The following FAM78B variants were observed in gnomAD, a reference collection of about 807,000 sequenced individuals.
FAM78B encodes the protein protein FAM78B.
FAM78B carries 10 observed loss-of-function variants against 20.0 expected under a neutral mutation model. The observed-to-expected ratio is 0.50, with a 90% confidence interval of 0.31 to 0.85. The LOEUF (loss-of-function observed/expected upper bound fraction) is 0.85, where lower values mean the gene tolerates loss of function less well. FAM78B is among the 40% of genes least tolerant of loss of function. FAM78B has a pLI of 0.05. For synonymous variants in FAM78B, 135 were observed against 132.8 expected, an observed-to-expected ratio of 1.02 and a Z score of -0.12; for missense variants, 283 against 345.0, an observed-to-expected ratio of 0.82 and a Z score of 1.42.
intron 1 of FAM78B, among the ~76,000 whole-genome samples, chr1:166,088,743 A>G (rs779024909): frequency 9.9e-5 from 15 of 152,088 alleles, no homozygotes; most frequent in Non-Finnish European, 2.9e-5. Context: ...GACTGACCCG[A>G]AGTATTTGGC....
chr1:166,116,707 T>C (rs1034317902), intron 1 of FAM78B, among the ~76,000 whole-genome samples: 44 of 152,334 alleles, frequency 2.9e-4, no homozygotes, highest in African/African-American at 9.1e-4. Flanking sequence ...TTTTTTCCAA[T>C]TGGAGTTGTC....
intron 1 of FAM78B, among the ~76,000 whole-genome samples, chr1:166,128,659 G>C (rs1654731498): frequency 1.3e-5 from 2 of 152,226 alleles, no homozygotes; most frequent in South Asian, 4.1e-4. Context: ...CTGAAGCCAA[G>C]GGAGGTTTGG....
At chr1:166,056,638 C>G (rs1445407907), downstream of FAM78B, among the ~76,000 whole-genome samples, 1 of 152,180 alleles carries the variant, frequency 6.6e-6, no homozygotes, top group African/African-American at 2.4e-5. Context: ...CTGTTTTGAT[C>G]AGATCCTAGG....
intron 1 of FAM78B, among the ~76,000 whole-genome samples, chr1:166,125,645 T>C (rs76217135): frequency 0.017 from 2,538 of 152,284 alleles, 77 homozygotes; most frequent in African/African-American, 0.058. Flanking sequence ...AATACCCAAA[T>C]CTGCAGATGC....
chr1:166,109,838 A>ATATATATG (rs1469856162), intron 1 of FAM78B, among the ~76,000 whole-genome samples: 1 of 21,186 alleles, frequency 4.7e-5, no homozygotes, highest in Admixed American at 5.2e-4. Flanking sequence ...ATATGTATAT[A>ATATATATG]TGTATATATA....
chr1:166,103,096 G>C (rs1236947395), intron 1 of FAM78B, among the ~76,000 whole-genome samples: 1 of 152,226 alleles, frequency 6.6e-6, no homozygotes, highest in African/African-American at 2.4e-5. Context: ...ACCTGCTCCT[G>C]AATGACTATT....
downstream of FAM78B, among the ~76,000 whole-genome samples, chr1:166,064,945 A>C (rs1260802301): frequency 1.3e-5 from 2 of 152,202 alleles, no homozygotes; most frequent in African/African-American, 4.8e-5. Context: ...GATCTCAAGT[A>C]ATGCTGATGT....
At chr1:166,119,431 C>T (rs1654384947) in intron 1 of FAM78B, among the ~76,000 whole-genome samples, 1 of 152,134 alleles carries the variant, frequency 6.6e-6, no homozygotes, top group East Asian at 1.9e-4. Flanking sequence ...CCCTATCTAC[C>T]CACAATCACA....
At chr1:166,141,299 C>A (rs976169162) in intron 1 of FAM78B, among the ~76,000 whole-genome samples, 3 of 152,204 alleles carry the variant, frequency 2.0e-5, no homozygotes, top group Non-Finnish European at 4.4e-5. Flanking sequence ...GTTGAGAGGG[C>A]AGGTGCCAAC....
At chr1:166,157,802 T>C (rs1655967654) in intron 1 of FAM78B, among the ~76,000 whole-genome samples, 1 of 152,122 alleles carries the variant, frequency 6.6e-6, no homozygotes, top group Admixed American at 6.5e-5. Context: ...CATTAGGGCC[T>C]GAAGGTGTAG....
exon 3 of FAM78B, chr1:166,058,912 T>C (rs895394963): frequency 3.9e-5 from 6 of 152,402 alleles, no homozygotes; most frequent in African/African-American, 1.4e-4. Context: ...AGGTTGGTTG[T>C]TGGAAAAAGG....
At chr1:166,159,107 A>C (rs370684898) in intron 1 of FAM78B, among the ~76,000 whole-genome samples, 7 of 152,348 alleles carry the variant, frequency 4.6e-5, no homozygotes, top group African/African-American at 1.4e-4. Flanking sequence ...GGGCAACCCT[A>C]GGCTTCCTTG....
At chr1:166,156,258 T>C (rs1435039712) in intron 1 of FAM78B, among the ~76,000 whole-genome samples, 2 of 152,198 alleles carry the variant, frequency 1.3e-5, no homozygotes, top group Admixed American at 6.5e-5. Context: ...AGCCTGAAAA[T>C]TTCTCTTTGC....
chr1:166,070,728 C>G lies in FAM78B; in HGVS notation c.299G>C (p.Arg100Thr). Residue 100 changes from arginine to threonine, a missense_variant, in exon 2 of 2, where the codon AGA (arginine) becomes ACA (threonine). Arg to Thr is a moderately conservative substitution (Grantham distance 71, BLOSUM62 -1). Transcript: ENST00000354422. ...SWELPDLREG[R>T]VKAISDSDGV... ...ATCTGAGTCACTGATGGCTTTTACT[C>G]TCCCTTCCCTCAAGTCAGGCAGTTC... is the stretch of plus-strand genomic sequence containing the variant. The G allele has an allele frequency of 6.3e-7, 1 of 1,589,070 alleles. No homozygotes were observed. Among genetic ancestry groups the G allele is most frequent in the Non-Finnish European group, 8.6e-7 (1 of 1,166,152 alleles).
chr1:166,165,014 A>G (rs1023369146), intron 1 of FAM78B: 2 of 152,142 alleles, frequency 1.3e-5, no homozygotes, highest in African/African-American at 4.8e-5. Flanking sequence ...TGGTAAATAT[A>G]AAAGTCCCGG....
intron 1 of FAM78B, among the ~76,000 whole-genome samples, chr1:166,071,565 G>T (rs1039966273): frequency 6.6e-6 from 1 of 152,256 alleles, no homozygotes; most frequent in African/African-American, 2.4e-5. Flanking sequence ...CCCTGCTGTA[G>T]ACTGTTGCTA....
chr1:166,155,567 T>A (rs1043420507), intron 1 of FAM78B, among the ~76,000 whole-genome samples: 1 of 152,308 alleles, frequency 6.6e-6, no homozygotes, highest in Middle Eastern at 3.4e-3. Flanking sequence ...AAAGACAGGC[T>A]CCTTGGTTCT....
rs1557893568 is a variant in FAM78B, at chr1:166,084,239, T to TACACACACA, written c.264-13477_264-13476insTGTGTGTGT. On this transcript the variant is annotated intron_variant, in intron 1 of 1. Coordinates refer to ENST00000354422, the MANE Select transcript of FAM78B (RefSeq NM_001017961.5). ...CACACACACACACACACACACACACTCTCTCTCTCTCTCTCTCTCTCTCTC... is the reference window on the plus strand; with the variant it reads ...CACACACACACACACACACACACACTACACACACACTCTCTCTCTCTCTCTCTCTCTCTC... Among the ~76,000 whole-genome samples the TACACACACA allele has an allele frequency of 2.2e-3, 148 of 67,864 alleles. 1 individual carries two copies. The highest frequency in any genetic ancestry group is 6.4e-3 in the African/African-American group (135 of 20,950). The allele number at this position is 67,864 out of a possible 152,430, so 44.5% of individuals were successfully genotyped here.
At chr1:166,124,375 A>C (rs937020509) in intron 1 of FAM78B, among the ~76,000 whole-genome samples, 7 of 152,192 alleles carry the variant, frequency 4.6e-5, no homozygotes, top group African/African-American at 1.7e-4. Flanking sequence ...TGATGATAAC[A>C]ACAAAAACAA....
Sources: allele counts gnomAD v4.1 joint callset (sites outside exome capture counted in the v4.1 genomes callset), GRCh38; gene constraint gnomAD v4.1.1; transcripts MANE v1.5; gene names NCBI Gene and HGNC (gene_info 2026-07-23, HGNC 2026-07-21).